Variants in RBFOX1 observed in about 807,000 individuals in gnomAD.
RBFOX1 encodes RNA binding fox-1 homolog 1.
In RBFOX1, 8 loss-of-function variants were observed where a neutral mutation model predicts 57.7. The observed-to-expected ratio is 0.14, with a 90% CI of 0.08 to 0.25. The LOEUF (loss-of-function observed/expected upper bound fraction) is 0.25, where lower values mean the gene tolerates loss of function less well. RBFOX1 is among the 10% of genes least tolerant of loss of function. The probability of loss-of-function intolerance (pLI) is 1.00; values close to 1 mark genes in which losing one functional copy is unlikely to be tolerated. For missense variants in RBFOX1, 611 were observed against 548.5 expected (o/e 1.11, Z -1.14); for synonymous variants, 326 against 222.4 (o/e 1.47, Z -4.15).
At chr16:5,747,067 T>C (rs1420037063) in intron 3 of RBFOX1, among the ~76,000 whole-genome samples, 1 of 152,210 alleles carries the variant, frequency 6.6e-6, no homozygotes, top group African/African-American at 2.4e-5. Flanking sequence ...CATTAATACC[T>C]AATTTATTGA....
At chr16:5,826,634 C>T (rs1567593160) in intron 3 of RBFOX1, among the ~76,000 whole-genome samples, 2 of 152,310 alleles carry the variant, frequency 1.3e-5, no homozygotes, top group Middle Eastern at 3.4e-3. Context: ...AGTTTGCTAA[C>T]CTCTACTTTA....
chr16:7,149,601 C>A (rs189157756), intron 4 of RBFOX1, among the ~76,000 whole-genome samples: 1 of 151,624 alleles, frequency 6.6e-6, no homozygotes, highest in Non-Finnish European at 1.5e-5. Flanking sequence ...TCCTCTCACC[C>A]CAGCCTCCTG....
intron 4 of RBFOX1, among the ~76,000 whole-genome samples, chr16:5,909,641 C>T (rs12924280): frequency 0.27 from 41,680 of 152,006 alleles, 6,473 homozygotes; most frequent in South Asian, 0.47. Context: ...CCCTCCTGGG[C>T]ATCTCTACCT....
chr16:5,434,008 T>A (rs2067834385), intron 1 of RBFOX1, among the ~76,000 whole-genome samples: 1 of 151,686 alleles, frequency 6.6e-6, no homozygotes, highest in Admixed American at 6.6e-5. Context: ...CCCAGTCCTA[T>A]CCAGTCTGAA....
At chr16:5,829,290 T>C (rs1440430729) in intron 3 of RBFOX1, among the ~76,000 whole-genome samples, 3 of 151,960 alleles carry the variant, frequency 2.0e-5, no homozygotes, top group African/African-American at 4.8e-5. Context: ...CTAAGGGAAG[T>C]TATTGAAGGG....
intron 3 of RBFOX1, among the ~76,000 whole-genome samples, chr16:6,874,509 TAAAAAAAAAAAA>T (rs57494867): frequency 4.2e-5 from 3 of 71,084 alleles, no homozygotes; most frequent in Non-Finnish European, 7.1e-5. Flanking sequence ...AGACTCCATC[TAAAAAAAAAAAA>T]AAAAAAAAAA....
At chr16:7,399,276 C>G (rs566144394) in intron 4 of RBFOX1, among the ~76,000 whole-genome samples, 2 of 152,054 alleles carry the variant, frequency 1.3e-5, no homozygotes, top group African/African-American at 4.8e-5. Context: ...GGAGAAACCC[C>G]ATCTCTACTA....
chr16:7,353,881 G>C (rs983426687), intron 4 of RBFOX1, among the ~76,000 whole-genome samples: 2 of 152,180 alleles, frequency 1.3e-5, no homozygotes, highest in African/African-American at 2.4e-5. Context: ...GAATTATCTG[G>C]AATGTTCTAG....
rs537046208 is a variant in RBFOX1 at position 6,195,512 on chromosome 16, T to C, written c.-126-121483T>C. ...GCGGGCCAATCACCTGAGGTCGGGA[T>C]TTCGAGACCAGCCTGACCAACATGG... On this transcript the variant is annotated intron_variant, in intron 1 of 15. Transcript: ENST00000550418. Among the ~76,000 whole-genome samples the C allele has an allele frequency of 3.3e-5, 5 of 152,076 alleles. No individual in the cohort carries two copies. In the South Asian group the frequency reaches 1.0e-3, roughly 32 times the overall value.
intron 4 of RBFOX1, among the ~76,000 whole-genome samples, chr16:7,360,398 C>T (rs1352513902): frequency 1.3e-5 from 2 of 152,120 alleles, no homozygotes; most frequent in African/African-American, 2.4e-5. Context: ...AAGTGGTCTA[C>T]AGTGTGCCTG....
At chr16:5,975,763 G>A (rs367700580) in intron 4 of RBFOX1, among the ~76,000 whole-genome samples, 1 of 152,214 alleles carries the variant, frequency 6.6e-6, no homozygotes, top group African/African-American at 2.4e-5. Context: ...TGGTTGTGCT[G>A]CTTTGGGTAG....
At chr16:5,723,107 C>A (rs1164177419) in intron 3 of RBFOX1, among the ~76,000 whole-genome samples, 2 of 152,170 alleles carry the variant, frequency 1.3e-5, no homozygotes, top group East Asian at 3.9e-4. Flanking sequence ...CATTATCTTC[C>A]TTTTACCTCA....
chr16:6,114,908 G>A lies in RBFOX1; in HGVS notation c.-127+94916G>A, dbSNP rs764732374. Among the ~76,000 whole-genome samples, 10 of 152,082 alleles carry A rather than the reference G, an allele frequency of 6.6e-5. 1 individual carries two copies. The highest frequency in any genetic ancestry group is 1.3e-4 in the Admixed American group (2 of 15,274). ...ACTGAGCCCAGAGTTGGCAACATAC[G>A]GGCTATTCACAACTATATTTACACT... On this transcript the variant is annotated intron_variant, in intron 1 of 15. Coordinates refer to ENST00000550418, the MANE Select transcript of RBFOX1 (RefSeq NM_018723.4).
chr16:5,686,077 G>A (rs547586649), intron 3 of RBFOX1, among the ~76,000 whole-genome samples: 3 of 152,304 alleles, frequency 2.0e-5, no homozygotes, highest in Admixed American at 6.5e-5. Context: ...ATATGGACAG[G>A]CTCAGAAACG....
intron 9 of RBFOX1, among the ~76,000 whole-genome samples, chr16:7,600,710 C>G (rs773315349): frequency 7.2e-5 from 11 of 152,194 alleles, no homozygotes; most frequent in Non-Finnish European, 1.6e-4. Flanking sequence ...TCATGCATTA[C>G]TTCAATCATG....
At chr16:5,557,214 T>C (rs1231158009) in intron 2 of RBFOX1, among the ~76,000 whole-genome samples, 1 of 151,748 alleles carries the variant, frequency 6.6e-6, no homozygotes, top group Non-Finnish European at 1.5e-5. Flanking sequence ...GAGCCGGGAT[T>C]GCGCCACTGC....
intron 3 of RBFOX1, among the ~76,000 whole-genome samples, chr16:6,707,927 G>T (rs1186714932): frequency 6.6e-6 from 1 of 152,158 alleles, no homozygotes; most frequent in East Asian, 1.9e-4. Context: ...TTCAGGGAAT[G>T]GAGTTGAGGA....
rs548828409 is a variant in RBFOX1, at chr16:6,620,399, G to C, written c.-63-34204G>C. On this transcript the variant is annotated intron_variant, in intron 2 of 15. Coordinates refer to ENST00000550418, the MANE Select transcript of RBFOX1 (RefSeq NM_018723.4). The stretch of plus-strand genomic sequence containing the variant: ...AATGCCCACATCCAAAAGTTAGAAA[G>C]ATCTCAAGGTAACAAGTTAACAACA... 1.6e-4 allele frequency among the ~76,000 whole-genome samples: 25 copies of C among 152,236 alleles called. No individual in the cohort carries two copies. In the East Asian group the frequency reaches 4.4e-3, roughly 27 times the overall value.
At chr16:6,374,468 C>G (rs982010144) in intron 2 of RBFOX1, among the ~76,000 whole-genome samples, 5 of 152,006 alleles carry the variant, frequency 3.3e-5, no homozygotes, top group African/African-American at 9.7e-5. Flanking sequence ...GAAAGGAACT[C>G]TACTATTTTT....
Sources: gnomAD v4.1 joint callset for allele counts (sites outside exome capture counted in the v4.1 genomes callset) on GRCh38, gnomAD v4.1.1 for gene constraint, MANE v1.5 for transcripts, NCBI Gene and HGNC (gene_info 2026-07-23, HGNC 2026-07-21) for gene names.